Variants in SHANK2 observed in about 807,000 individuals in gnomAD.
The protein encoded by SHANK2 is SH3 and multiple ankyrin repeat domains protein 2.
A neutral mutation model predicts 133.7 loss-of-function variants in SHANK2; 43 were observed. That is an observed-to-expected ratio of 0.32 (90% CI 0.25 to 0.41). The LOEUF is 0.41. Ranked by LOEUF, SHANK2 falls within the 10% of genes least tolerant of loss-of-function variation. SHANK2 has a pLI of 1.00. For missense variants in SHANK2, 1,994 were observed against 2,235.8 expected, an observed-to-expected ratio of 0.89 and a Z score of 2.18; for synonymous variants, 1,017 against 952.8, an observed-to-expected ratio of 1.07 and a Z score of -1.24.
In SHANK2 at chr11:70,830,123, C is replaced by T. The variant is rs189545798; in HGVS notation, c.1175-9441G>A. ...GGCGCTGAAGGCACAGACTCTGCCCCGACAAACGCAAACCTTTGTGCAGCC... is the reference window on the plus strand; with the variant it reads ...GGCGCTGAAGGCACAGACTCTGCCCTGACAAACGCAAACCTTTGTGCAGCC... On this transcript the variant is annotated intron_variant, in intron 11 of 25. Transcript: ENST00000601538. The surrounding 1 kb of genome is among the most constrained non-coding windows in gnomAD (Gnocchi z 4.4). Among the ~76,000 whole-genome samples the T allele has an allele frequency of 1.4e-3, 210 of 152,300 alleles. 1 individual carries two copies. The highest frequency in any genetic ancestry group is 3.4e-3 in the Middle Eastern group (1 of 294).
At position 70,501,892 on chromosome 11, in the gene SHANK2, G is replaced by A. The variant is rs376080786; in HGVS notation, c.2287+31C>T. 2.2e-5 allele frequency: 35 copies of A among 1,557,570 alleles called. No homozygotes were observed. The African/African-American group carries it at 4.5e-4, about 20-fold the overall frequency. On this transcript the variant is annotated intron_variant, in intron 20 of 25. Coordinates refer to ENST00000601538, the MANE Select transcript of SHANK2 (RefSeq NM_012309.5). ...GGGGGTGCCCTAGACAGCAGGGGGAGCTGCTTTGGGGACCCAGTGGGGCTG... is the reference window on the plus strand; with the variant it reads ...GGGGGTGCCCTAGACAGCAGGGGGAACTGCTTTGGGGACCCAGTGGGGCTG...
chr11:70,520,261 T>C (rs2059314555), intron 17 of SHANK2, among the ~76,000 whole-genome samples: 1 of 152,196 alleles, frequency 6.6e-6, no homozygotes. Context: ...TTCTCTAATT[T>C]TTACCTGACG....
In SHANK2 at chr11:71,119,085, C is replaced by T. The variant is rs1395385090; in HGVS notation, c.208-53G>A. 1.7e-5 allele frequency: 26 copies of T among 1,512,782 alleles called. 1 individual carries two copies. The highest frequency in any genetic ancestry group is 2.3e-5 in the Non-Finnish European group (26 of 1,115,762). The allele number at this position is 1,512,782 out of a possible 1,614,324, so 93.7% of individuals were successfully genotyped here. On this transcript the variant is annotated intron_variant, in intron 3 of 25. Transcript: ENST00000601538. ...GAGTGACAGAGGACGCTACCTGAGT[C>T]ACCCATGTGGGGCGCGTGGTCAGAG...
intron 2 of SHANK2, among the ~76,000 whole-genome samples, chr11:71,192,991 T>C (rs1953821858): frequency 6.6e-6 from 1 of 152,176 alleles, no homozygotes; most frequent in Non-Finnish European, 1.5e-5. Context: ...CAGCTTACTC[T>C]TCCTCCTTTA....
chr11:70,875,230 G>A (rs542808796), intron 11 of SHANK2, among the ~76,000 whole-genome samples: 1 of 152,246 alleles, frequency 6.6e-6, no homozygotes, highest in African/African-American at 2.4e-5. Context: ...TGAAGCAATA[G>A]AAGTGCCCTC....
chr11:71,190,625 C>T (rs1953773506), intron 2 of SHANK2, among the ~76,000 whole-genome samples: 1 of 152,226 alleles, frequency 6.6e-6, no homozygotes, highest in Admixed American at 6.5e-5. Context: ...CTTAAGGCCT[C>T]TCCCCTTTCT....
rs1565339783 is a variant in SHANK2 at position 70,820,398 on chromosome 11, C to G, written c.1459G>C (p.Asp487His). ...SLNRLGGAGE[D>H]GKRPQPLWHV... ...CAGAGAGGCTGCGGCCTCTTGCCGT[C>G]CTCGCCTGCGCCGCCCAGCCTGTTG... The change falls in exon 12 of 26, where the codon GAC becomes CAC. Residue 487 changes from aspartate to histidine, a missense_variant. Transcript: ENST00000601538. The G allele has an allele frequency of 1.5e-6, 1 of 676,764 alleles. No homozygotes were observed. Among genetic ancestry groups the G allele is most frequent in the Admixed American group, 2.1e-5 (1 of 47,370 alleles). The allele number at this position is 676,764 out of a possible 1,614,324, so 41.9% of individuals were successfully genotyped here. A position where few individuals can be genotyped will look rare whatever the true frequency, so the allele number is the denominator to read the frequency against.
intron 11 of SHANK2, among the ~76,000 whole-genome samples, chr11:70,828,327 T>C (rs1255226728): frequency 6.6e-6 from 1 of 152,018 alleles, no homozygotes. Context: ...ACGATAAACT[T>C]CATCTCTTAT....
chr11:70,756,518 C>A (rs763127472), intron 14 of SHANK2, among the ~76,000 whole-genome samples: 1 of 152,164 alleles, frequency 6.6e-6, no homozygotes, highest in African/African-American at 2.4e-5. Context: ...GCCGCCTGCA[C>A]GCTCCTTCCC....
At chr11:70,688,081 G>T (rs994959010) in intron 15 of SHANK2, among the ~76,000 whole-genome samples, 1 of 152,200 alleles carries the variant, frequency 6.6e-6, no homozygotes, top group African/African-American at 2.4e-5. Context: ...CGTCATGAGG[G>T]TGTCCAGGCT....
chr11:70,600,418 C>CAAAAAAAAAAAAAAAAAAAAAAAA (rs56103044), intron 17 of SHANK2, among the ~76,000 whole-genome samples: 1 of 95,464 alleles, frequency 1.0e-5, no homozygotes, highest in Non-Finnish European at 2.1e-5. Flanking sequence ...GACTCTGTCT[C>CAAAAAAAAAAAAAAAAAAAAAAAA]AAAAAAAAAA....
rs373197824 is a variant in SHANK2 at position 71,191,145 on chromosome 11, TG to T, written c.-13+33551del. Among the ~76,000 whole-genome samples, 846 of 151,598 alleles carry T rather than the reference TG, an allele frequency of 5.6e-3. 9 individuals carry two copies. Among genetic ancestry groups the T allele is most frequent in the African/African-American group, 0.019 (792 of 41,280 alleles). On this transcript the variant is annotated intron_variant, in intron 2 of 25. Transcript: ENST00000601538. Reference sequence around the variant, plus strand: ...ACGATTGCTCCGGTGCACTCCAGCCTGGGCAACAGAGCAAGACCTTGTCTAA... The same window carrying T: ...ACGATTGCTCCGGTGCACTCCAGCCTGGCAACAGAGCAAGACCTTGTCTAA...
At chr11:70,941,611 C>G (rs113978053) in intron 10 of SHANK2, among the ~76,000 whole-genome samples, 3 of 151,918 alleles carry the variant, frequency 2.0e-5, no homozygotes, top group Non-Finnish European at 4.4e-5. Flanking sequence ...TGGGGCCCCA[C>G]GATAGGATTC....
intron 17 of SHANK2, among the ~76,000 whole-genome samples, chr11:70,562,289 TTAAG>T (rs1482647035): frequency 2.0e-5 from 3 of 152,254 alleles, no homozygotes; most frequent in Non-Finnish European, 2.9e-5. Flanking sequence ...CAACTGTCAG[TTAAG>T]TCAAGCTGGT....
chr11:70,796,975 C>G (rs61885466), intron 14 of SHANK2, among the ~76,000 whole-genome samples: 11 of 152,116 alleles, frequency 7.2e-5, no homozygotes, highest in Non-Finnish European at 1.6e-4. Context: ...GGCGGCACAC[C>G]GGTTCTGAGA....
chr11:71,128,587 A>G (rs1426430049), intron 3 of SHANK2, among the ~76,000 whole-genome samples: 2 of 152,140 alleles, frequency 1.3e-5, no homozygotes, highest in East Asian at 3.9e-4. Context: ...GGCCAGCCTC[A>G]GTTCTCTCTA....
At position 70,876,847 on chromosome 11, in the gene SHANK2, G is replaced by A. The variant is rs1049309031; in HGVS notation, c.1174+19654C>T. Among the ~76,000 whole-genome samples, 4 of 152,168 alleles carry A rather than the reference G, an allele frequency of 2.6e-5. No individual in the cohort carries two copies. The East Asian group carries it at 7.7e-4, about 29-fold the overall frequency. On this transcript the variant is annotated intron_variant, in intron 11 of 25. Coordinates refer to ENST00000601538, the MANE Select transcript of SHANK2 (RefSeq NM_012309.5). ...TTCCATCAGAAGGGGCCAGCATGCT[G>A]AGGCAGAGCGCCCTGTCTAGTGGCC...
chr11:70,550,711 G>A (rs986901577), intron 17 of SHANK2, among the ~76,000 whole-genome samples: 1 of 152,172 alleles, frequency 6.6e-6, no homozygotes, highest in Non-Finnish European at 1.5e-5. Flanking sequence ...GGTGGTGAAG[G>A]GGGTATACCC....
chr11:71,067,014 G>A (rs2135955099), intron 9 of SHANK2, among the ~76,000 whole-genome samples: 1 of 152,360 alleles, frequency 6.6e-6, no homozygotes, highest in Admixed American at 6.5e-5. Flanking sequence ...TACTAACGGA[G>A]CGGCCTTTGA....
Sources: allele counts gnomAD v4.1 joint callset (sites outside exome capture counted in the v4.1 genomes callset), GRCh38; gene constraint gnomAD v4.1.1; non-coding constraint Gnocchi (gnomAD v3.1); transcripts MANE v1.5; gene names NCBI Gene and HGNC (gene_info 2026-07-23, HGNC 2026-07-21).